Variants in ROBO1 observed in about 807,000 individuals in gnomAD.
ROBO1 encodes roundabout guidance receptor 1, also known as roundabout homolog 1.
In ROBO1, 149 loss-of-function variants were observed where a neutral mutation model predicts 195.9. That is an observed-to-expected ratio of 0.76 (90% CI 0.67 to 0.87). ROBO1 has a LOEUF of 0.87. ROBO1 is among the 40% of genes least tolerant of loss of function. The probability of loss-of-function intolerance (pLI) is 0.00; values close to 1 mark genes in which losing one functional copy is unlikely to be tolerated. For synonymous variants in ROBO1, 816 were observed against 733.2 expected, an observed-to-expected ratio of 1.11 and a Z score of -1.82; for missense variants, 1,933 against 2,068.3, an observed-to-expected ratio of 0.93 and a Z score of 1.27.
intron 4 of ROBO1, among the ~76,000 whole-genome samples, chr3:78,909,216 T>C (rs1160956478): frequency 6.6e-6 from 1 of 151,768 alleles, no homozygotes; most frequent in African/African-American, 2.4e-5. Context: ...CTACATATAT[T>C]AGAAATATCA....
chr3:79,409,786 T>A (rs574458391), intron 2 of ROBO1, among the ~76,000 whole-genome samples: 34 of 152,260 alleles, frequency 2.2e-4, no homozygotes, highest in Non-Finnish European at 4.9e-4. Context: ...ATATAGGATA[T>A]CTTATAGCTC....
In ROBO1 at chr3:79,512,591, A is replaced by T. The variant is rs944401455; in HGVS notation, c.88+77233T>A. 2.6e-5 allele frequency among the ~76,000 whole-genome samples: 4 copies of T among 152,148 alleles called. No individual in the cohort carries two copies. In the South Asian group the frequency reaches 8.3e-4, roughly 32 times the overall value. On this transcript the variant is annotated intron_variant, in intron 2 of 30. Coordinates refer to ENST00000464233, the MANE Select transcript of ROBO1 (RefSeq NM_002941.4). ...TCTTAAAAAAAGGAATAAACCAGAC[A>T]TATCCTAGAGATAATTTCCTTTTTC... is the stretch of plus-strand genomic sequence containing the variant.
intron 4 of ROBO1, among the ~76,000 whole-genome samples, chr3:78,791,665 T>C (rs1362626425): frequency 6.6e-6 from 1 of 152,002 alleles, no homozygotes; most frequent in East Asian, 1.9e-4. Flanking sequence ...CAACCTTTAC[T>C]GTCTGTGTGC....
At chr3:78,894,355 A>C (rs2037106527) in intron 4 of ROBO1, among the ~76,000 whole-genome samples, 1 of 152,214 alleles carries the variant, frequency 6.6e-6, no homozygotes, top group Admixed American at 6.5e-5. Context: ...TTTACATTTT[A>C]AAATAAACAG....
intron 2 of ROBO1, among the ~76,000 whole-genome samples, chr3:79,219,712 T>C (rs1043597126): frequency 7.9e-5 from 12 of 152,072 alleles, no homozygotes; most frequent in Non-Finnish European, 1.6e-4. Flanking sequence ...CTTATGGGAA[T>C]GACCAAAATT....
chr3:79,076,503 G>T (rs957489138), intron 3 of ROBO1, among the ~76,000 whole-genome samples: 20 of 151,430 alleles, frequency 1.3e-4, no homozygotes, highest in African/African-American at 4.6e-4. Flanking sequence ...TAAGTTGCAG[G>T]TATAAAATAG....
chr3:78,703,272 T>C (rs1484337336), intron 8 of ROBO1, among the ~76,000 whole-genome samples: 2 of 152,120 alleles, frequency 1.3e-5, no homozygotes, highest in East Asian at 3.9e-4. Context: ...TGAAACAGCA[T>C]TAAAAAACCC....
At chr3:78,981,338 T>C (rs1028695902) in intron 3 of ROBO1, among the ~76,000 whole-genome samples, 13 of 152,154 alleles carry the variant, frequency 8.5e-5, no homozygotes, top group South Asian at 4.1e-4. Context: ...ATCACCCTCT[T>C]ACATGACTAT....
intron 1 of ROBO1, among the ~76,000 whole-genome samples, chr3:79,619,275 G>C (rs185729499): frequency 7.2e-5 from 11 of 152,186 alleles, no homozygotes; most frequent in Admixed American, 6.5e-4. Context: ...CCCCTTCTCT[G>C]TGTCTCTACC....
chr3:79,656,480 C>T (rs1041311865), intron 1 of ROBO1, among the ~76,000 whole-genome samples: 2 of 152,002 alleles, frequency 1.3e-5, no homozygotes, highest in Non-Finnish European at 2.9e-5. Context: ...TAATAGTATA[C>T]TTTATTGAAT....
intron 4 of ROBO1, among the ~76,000 whole-genome samples, chr3:78,795,329 A>G (rs2084151630): frequency 6.6e-6 from 1 of 152,204 alleles, no homozygotes; most frequent in Admixed American, 6.5e-5. Context: ...TGCTTAATAC[A>G]ATCTCAAGAA....
At chr3:79,427,277 G>T (rs966934463) in intron 2 of ROBO1, among the ~76,000 whole-genome samples, 2 of 152,100 alleles carry the variant, frequency 1.3e-5, no homozygotes, top group African/African-American at 2.4e-5. Flanking sequence ...CAAGTACTTG[G>T]ATGCTAACAT....
chr3:78,700,805 C>T (rs1287885039), intron 8 of ROBO1, among the ~76,000 whole-genome samples: 1 of 150,816 alleles, frequency 6.6e-6, no homozygotes, highest in Non-Finnish European at 1.5e-5. Context: ...CTCTTGTCTC[C>T]CAGGCTGGAG....
chr3:79,535,909 C>T (rs1369031861), intron 2 of ROBO1, among the ~76,000 whole-genome samples: 1 of 151,890 alleles, frequency 6.6e-6, no homozygotes, highest in Non-Finnish European at 1.5e-5. Flanking sequence ...TGTTTTTGGT[C>T]TATATTTGTA....
intron 1 of ROBO1, among the ~76,000 whole-genome samples, chr3:79,624,329 T>A (rs1008694132): frequency 1.3e-5 from 2 of 152,030 alleles, no homozygotes; most frequent in Non-Finnish European, 1.5e-5. Context: ...GATGACAGGA[T>A]CAAATACATA....
chr3:79,181,865 G>A (rs1213891318), intron 2 of ROBO1, among the ~76,000 whole-genome samples: 1 of 149,676 alleles, frequency 6.7e-6, no homozygotes, highest in African/African-American at 2.5e-5. Flanking sequence ...GGTGGAGGCT[G>A]CACTGAGATG....
chr3:79,285,373 A>G (rs74812819), intron 2 of ROBO1, among the ~76,000 whole-genome samples: 11,336 of 152,288 alleles, frequency 0.074, 468 homozygotes, highest in African/African-American at 0.098. Flanking sequence ...CTCCCAAAGC[A>G]TTACTAAATA....
intron 2 of ROBO1, among the ~76,000 whole-genome samples, chr3:79,390,747 G>A (rs1426524495): frequency 6.6e-6 from 1 of 151,974 alleles, no homozygotes; most frequent in Non-Finnish European, 1.5e-5. Context: ...AGAGGAGATT[G>A]GGAATGTGGG....
chr3:79,537,058 C>T (rs753222008), intron 2 of ROBO1, among the ~76,000 whole-genome samples: 35 of 151,540 alleles, frequency 2.3e-4, no homozygotes, highest in Non-Finnish European at 4.0e-4. Context: ...AGAGGAAAAC[C>T]TAGACATTTG....
Sources: allele counts gnomAD v4.1 joint callset (sites outside exome capture counted in the v4.1 genomes callset), GRCh38; gene constraint gnomAD v4.1.1; transcripts MANE v1.5; gene names NCBI Gene and HGNC (gene_info 2026-07-23, HGNC 2026-07-21).